DAAM1: variants seen among roughly 807,000 people sequenced by gnomAD.
DAAM1 encodes dishevelled associated activator of morphogenesis 1, also known as disheveled-associated activator of morphogenesis 1.
DAAM1 carries 52 observed loss-of-function variants against 130.0 expected under a neutral mutation model. That is an observed-to-expected ratio of 0.40 (90% CI 0.32 to 0.50). DAAM1 has a LOEUF of 0.50. Among genes scored for constraint, DAAM1 ranks in the 20% least tolerant of loss-of-function variants. The pLI is 0.61. For missense variants in DAAM1, 1,134 were observed against 1,303.8 expected (o/e 0.87, Z 2.01); for synonymous variants, 452 against 444.5 (o/e 1.02, Z -0.21).
rs750637290 is a variant in DAAM1, at chr14:59,323,012, G to A, written c.561G>A (p.Ala187=). ...CTTCTCTCATTGGCTGTATAAAGGCGTTAATGAACAACTCTCAAGGCCGGG... is the reference window on the plus strand; with the variant it reads ...CTTCTCTCATTGGCTGTATAAAGGCATTAATGAACAACTCTCAAGGCCGGG... ...IHTSLIGCIK[A]LMNNSQGRAH... The change falls in exon 6 of 25, where the codon GCG becomes GCA. Residue 187 remains alanine (A), a synonymous_variant. Coordinates refer to ENST00000360909, the MANE Select transcript of DAAM1 (RefSeq NM_001270520.2). The A allele has an allele frequency of 1.2e-5, 20 of 1,614,102 alleles. No homozygotes were observed. Among genetic ancestry groups the A allele is most frequent in the African/African-American group, 4.0e-5 (3 of 75,024 alleles).
chr14:59,228,820 G>T (rs1889019666), intron 1 of DAAM1, among the ~76,000 whole-genome samples: 1 of 152,044 alleles, frequency 6.6e-6, no homozygotes, highest in Admixed American at 6.6e-5. Context: ...AGATCAAAAG[G>T]TTACTTTGTT....
intron 1 of DAAM1, among the ~76,000 whole-genome samples, chr14:59,259,872 A>G (rs1178421219): frequency 6.6e-6 from 1 of 152,092 alleles, no homozygotes; most frequent in Non-Finnish European, 1.5e-5. Context: ...GTGAAACCCC[A>G]TCTCTACTAA....
chr14:59,340,630 A>G (rs757391090), intron 16 of DAAM1, among the ~76,000 whole-genome samples: 14 of 152,124 alleles, frequency 9.2e-5, no homozygotes, highest in Non-Finnish European at 1.6e-4. Flanking sequence ...GAGCATTTTT[A>G]TAGCTAAAAG....
At chr14:59,315,105 G>A (rs1166140817) in intron 3 of DAAM1, among the ~76,000 whole-genome samples, 175 bp from the exon 4 acceptor site, 1 of 152,166 alleles carries the variant, frequency 6.6e-6, no homozygotes, top group Non-Finnish European at 1.5e-5. Flanking sequence ...GACCACCCTA[G>A]TCAAGTAGGC....
chr14:59,196,964 A>T (rs1887915785), intron 1 of DAAM1, among the ~76,000 whole-genome samples: 1 of 151,908 alleles, frequency 6.6e-6, no homozygotes, highest in Admixed American at 6.6e-5. Context: ...TCTGTCGCCC[A>T]GGCTGGAGTG....
intron 3 of DAAM1, among the ~76,000 whole-genome samples, chr14:59,309,438 G>T (rs369666228): frequency 6.6e-6 from 1 of 152,176 alleles, no homozygotes; most frequent in Non-Finnish European, 1.5e-5. Context: ...AAAAATAGTT[G>T]GTGACCAAGT....
At chr14:59,292,064 T>A (rs1243426840) in intron 3 of DAAM1, among the ~76,000 whole-genome samples, 2 of 152,098 alleles carry the variant, frequency 1.3e-5, no homozygotes, top group Non-Finnish European at 2.9e-5. Context: ...CTCTGCCAAC[T>A]TTTAAACCCT....
At chr14:59,340,214 G>T in intron 16 of DAAM1, 34 bp downstream of exon 16, 1 of 1,589,480 alleles carries the variant, frequency 6.3e-7, no homozygotes, top group South Asian at 1.1e-5. Flanking sequence ...TTTCTAGTAG[G>T]ACCAACATTT....
intron 6 of DAAM1, 36 bp from the exon 7 acceptor site, chr14:59,324,092 T>C (rs1233964598): frequency 1.6e-6 from 2 of 1,271,600 alleles, no homozygotes; most frequent in East Asian, 2.7e-5. Context: ...ATAAGGTTAG[T>C]AACGTTTCAG....
At chr14:59,282,642 G>A (rs868529623) in intron 2 of DAAM1, among the ~76,000 whole-genome samples, 6 of 152,180 alleles carry the variant, frequency 3.9e-5, no homozygotes, top group African/African-American at 9.7e-5. Context: ...TAACCAGACA[G>A]TCTAGACTCG....
chr14:59,288,593 C>CA (rs1211162421), intron 2 of DAAM1, among the ~76,000 whole-genome samples: 2 of 152,098 alleles, frequency 1.3e-5, no homozygotes, highest in Non-Finnish European at 2.9e-5. Context: ...GGGCAAAAGA[C>CA]ATTAAGAGAC....
At chr14:59,246,604 T>C (rs565696493) in intron 1 of DAAM1, among the ~76,000 whole-genome samples, 1 of 152,322 alleles carries the variant, frequency 6.6e-6, no homozygotes, top group South Asian at 2.1e-4. Context: ...AATTATATTA[T>C]TAATTTTTTG....
intron 18 of DAAM1, among the ~76,000 whole-genome samples, chr14:59,353,221 G>A (rs545889214): frequency 2.6e-5 from 4 of 152,270 alleles, no homozygotes; most frequent in East Asian, 1.9e-4. Flanking sequence ...GAGCTAAGTC[G>A]ATCTGCTATC....
Position 59,359,508 on chromosome 14 carries a change from A to G in DAAM1, c.2633+4A>G. 1.2e-6 allele frequency: 2 copies of G among 1,603,328 alleles called. No individual in the cohort carries two copies. Among genetic ancestry groups the G allele is most frequent in the Middle Eastern group, 1.7e-4 (1 of 6,032 alleles). On this transcript the variant is annotated splice_donor_region_variant and intron_variant, in intron 21 of 24. Coordinates refer to ENST00000360909, the MANE Select transcript of DAAM1 (RefSeq NM_001270520.2). ...TTCCTCAAGCTGCGAAAGTAAAGTA[A>G]GTACTTACAGTGAGTGTTAGTTTCT...
chr14:59,255,562 A>G (rs1312063877), intron 1 of DAAM1, among the ~76,000 whole-genome samples: 2 of 152,192 alleles, frequency 1.3e-5, no homozygotes, highest in African/African-American at 4.8e-5. Flanking sequence ...TGTTGTTGCA[A>G]TGCAAATTAC....
At chr14:59,338,546 C>T in intron 15 of DAAM1, 10 of 924,700 alleles carry the variant, frequency 1.1e-5, no homozygotes, top group South Asian at 1.6e-5. Context: ...GCCTAGGTAA[C>T]TCCACTTTGG....
At chr14:59,217,452 A>C (rs772965543) in intron 1 of DAAM1, among the ~76,000 whole-genome samples, 1 of 152,146 alleles carries the variant, frequency 6.6e-6, no homozygotes, top group Non-Finnish European at 1.5e-5. Flanking sequence ...AGAGTTGGTA[A>C]AAGTTTGACA....
chr14:59,242,201 T>G (rs1280740138), intron 1 of DAAM1, among the ~76,000 whole-genome samples: 1 of 152,198 alleles, frequency 6.6e-6, no homozygotes, highest in Non-Finnish European at 1.5e-5. Flanking sequence ...TATCCCACAT[T>G]TTCTCAGGAA....
chr14:59,324,561 T>C (rs1475287879), intron 8 of DAAM1, 107 bp downstream of exon 8: 4 of 548,408 alleles, frequency 7.3e-6, no homozygotes, highest in African/African-American at 1.9e-5. Flanking sequence ...GTCTGTAACA[T>C]AAAGAGCTTG....
Sources: gnomAD v4.1 joint callset for allele counts (sites outside exome capture counted in the v4.1 genomes callset) on GRCh38, gnomAD v4.1.1 for gene constraint, MANE v1.5 for transcripts, NCBI Gene and HGNC (gene_info 2026-07-23, HGNC 2026-07-21) for gene names.